MAF: variants seen among roughly 807,000 people sequenced by gnomAD.
The protein encoded by MAF is MAF bZIP transcription factor.
Under a neutral mutation model 22.0 loss-of-function variants are expected in MAF, and 10 were observed. The observed-to-expected ratio is 0.45, with a 90% CI of 0.28 to 0.77. The LOEUF is 0.77. Ranked by LOEUF, MAF falls within the 30% of genes least tolerant of loss-of-function variation. The pLI is 0.12. For synonymous variants in MAF, 337 were observed against 255.8 expected (o/e 1.32, Z -3.03); for missense variants, 544 against 548.4 (o/e 0.99, Z 0.08).
intron 1 of MAF, among the ~76,000 whole-genome samples, chr16:79,587,232 G>A (rs768078223): frequency 2.0e-5 from 3 of 151,970 alleles, no homozygotes; most frequent in Non-Finnish European, 4.4e-5. Flanking sequence ...CAAATCTTAA[G>A]GTAGAAACTA....
chr16:79,536,705 C>A, the MAF span, among the ~76,000 whole-genome samples: 1 of 152,120 alleles, frequency 6.6e-6, no homozygotes, highest in African/African-American at 2.4e-5. Flanking sequence ...CTGTACTAAA[C>A]ACATAGAGAA....
At chr16:79,445,123 T>G in the MAF span, among the ~76,000 whole-genome samples, 1 of 152,060 alleles carries the variant, frequency 6.6e-6, no homozygotes, top group Non-Finnish European at 1.5e-5. Context: ...AAGCTCCTCC[T>G]CCTGGGTTCA....
the MAF span, among the ~76,000 whole-genome samples, chr16:79,302,871 G>C: frequency 6.6e-6 from 1 of 152,204 alleles, no homozygotes; most frequent in Non-Finnish European, 1.5e-5. Context: ...TAGTCAATCT[G>C]TTTGTCTGTT....
At chr16:79,432,918 T>G in the MAF span, among the ~76,000 whole-genome samples, 1 of 152,220 alleles carries the variant, frequency 6.6e-6, no homozygotes, top group Non-Finnish European at 1.5e-5. Flanking sequence ...GATCTTGGAC[T>G]TCTGGCCTCC....
chr16:79,420,884 A>G, the MAF span, among the ~76,000 whole-genome samples: 1 of 152,074 alleles, frequency 6.6e-6, no homozygotes, highest in African/African-American at 2.4e-5. Context: ...AAACACAAAA[A>G]TTATCCAGGC....
chr16:79,227,841 G>A, the MAF span, among the ~76,000 whole-genome samples: 10 of 152,186 alleles, frequency 6.6e-5, 1 homozygote, highest in Middle Eastern at 3.4e-3. Flanking sequence ...CAATATAACT[G>A]TTGAGTGGAG....
chr16:79,237,014 C>A, the MAF span, among the ~76,000 whole-genome samples: 3 of 151,618 alleles, frequency 2.0e-5, no homozygotes, highest in Non-Finnish European at 4.4e-5. Context: ...TCAGGACTCG[C>A]CTTATTAACC....
rs566120831 is a variant in MAF, at chr16:79,600,625, C to G, written c.-723G>C. ...TTTTAAAAAAGCAAAATAGCGAAGT[C>G]CTGGGGAAAGACGAGGCAGAGAGCA... On this transcript the variant is annotated 5_prime_UTR_variant, in exon 1 of 2. Coordinates refer to ENST00000326043, the MANE Select transcript of MAF (RefSeq NM_005360.5). The G allele has an allele frequency of 5.1e-6, 1 of 197,608 alleles. No individual in the cohort carries two copies. The highest frequency in any genetic ancestry group is 8.8e-5 in the East Asian group (1 of 11,306). The allele number at this position is 197,608 out of a possible 1,614,324, so 12.2% of individuals were successfully genotyped here.
the MAF span, among the ~76,000 whole-genome samples, chr16:79,554,546 A>C: frequency 6.6e-6 from 1 of 152,182 alleles, no homozygotes; most frequent in South Asian, 2.1e-4. Flanking sequence ...GACAGAAGAC[A>C]GGAAGACAAC....
the MAF span, among the ~76,000 whole-genome samples, chr16:79,268,178 A>G: frequency 6.6e-6 from 1 of 152,106 alleles, no homozygotes; most frequent in African/African-American, 2.4e-5. Flanking sequence ...GGGTGTGGAC[A>G]TGAGCTTCCC....
At chr16:79,456,381 A>G in the MAF span, among the ~76,000 whole-genome samples, 1 of 152,186 alleles carries the variant, frequency 6.6e-6, no homozygotes, top group African/African-American at 2.4e-5. Context: ...TATGGATAGA[A>G]ATACGCCCAT....
the MAF span, among the ~76,000 whole-genome samples, chr16:79,293,837 A>AAGAG: frequency 0.012 from 1,840 of 148,378 alleles, 30 homozygotes; most frequent in African/African-American, 0.04. Flanking sequence ...TCTAAATGAA[A>AAGAG]AGAGAGAGAG....
At chr16:79,578,384 C>G in the MAF span, among the ~76,000 whole-genome samples, 1 of 152,050 alleles carries the variant, frequency 6.6e-6, no homozygotes, top group Admixed American at 6.5e-5. Flanking sequence ...ATGCCCAGGA[C>G]TCAGGTGCAT....
chr16:79,559,628 G>T, the MAF span, among the ~76,000 whole-genome samples: 2 of 150,164 alleles, frequency 1.3e-5, no homozygotes, highest in African/African-American at 4.9e-5. Flanking sequence ...TAAATTACTA[G>T]ATGTTCATAA....
chr16:79,497,814 G>C, the MAF span, among the ~76,000 whole-genome samples: 1 of 152,236 alleles, frequency 6.6e-6, no homozygotes, highest in Admixed American at 6.5e-5. Flanking sequence ...CAGCAAATGA[G>C]AGAAAGCTCA....
chr16:79,537,135 C>T, the MAF span, among the ~76,000 whole-genome samples: 2 of 152,182 alleles, frequency 1.3e-5, no homozygotes, highest in South Asian at 4.1e-4. Flanking sequence ...GCCAGATCAG[C>T]ACATTTTATT....
the MAF span, among the ~76,000 whole-genome samples, chr16:79,451,169 AGGGCC>A: frequency 3.3e-4 from 50 of 152,352 alleles, no homozygotes; most frequent in African/African-American, 1.0e-3. Flanking sequence ...TTCAGTTTGC[AGGGCC>A]CGTCCAGTTA....
chr16:79,233,092 G>T, the MAF span, among the ~76,000 whole-genome samples: 1 of 151,868 alleles, frequency 6.6e-6, no homozygotes, highest in East Asian at 1.9e-4. Context: ...TGCCCACCTC[G>T]GCCTCCCAAA....
At chr16:79,461,507 C>T in the MAF span, among the ~76,000 whole-genome samples, 1,893 of 152,256 alleles carry the variant, frequency 0.012, 45 homozygotes, top group African/African-American at 0.043. Flanking sequence ...GAAGCCCTCA[C>T]GCGCCAGGCC....
Sources: allele counts gnomAD v4.1 joint callset (sites outside exome capture counted in the v4.1 genomes callset), GRCh38; gene constraint gnomAD v4.1.1; transcripts MANE v1.5; gene names NCBI Gene and HGNC (gene_info 2026-07-23, HGNC 2026-07-21).